The following ZNF804A variants were observed in gnomAD, a reference collection of about 807,000 sequenced individuals.
ZNF804A encodes zinc finger protein 804A.
A neutral mutation model predicts 16.5 loss-of-function variants in ZNF804A; 2 were observed. That is an observed-to-expected ratio of 0.12 (90% confidence interval 0.05 to 0.38). The LOEUF is 0.38. ZNF804A is among the 10% of genes least tolerant of loss of function. The pLI, the probability that ZNF804A is intolerant of heterozygous loss-of-function variation, is 0.99. For missense variants in ZNF804A, 1,473 were observed against 1,390.7 expected (o/e 1.06, Z -0.94); for synonymous variants, 534 against 489.6 (o/e 1.09, Z -1.20).
At chr2:184,783,446 A>T (rs778107311) in intron 1 of ZNF804A, among the ~76,000 whole-genome samples, 1 of 151,936 alleles carries the variant, frequency 6.6e-6, no homozygotes, top group African/African-American at 2.4e-5. Context: ...GATGTACTGA[A>T]TAATCATTAC....
chr2:184,803,951 C>T (rs1694762409), intron 1 of ZNF804A, among the ~76,000 whole-genome samples: 1 of 152,078 alleles, frequency 6.6e-6, no homozygotes, highest in African/African-American at 2.4e-5. Flanking sequence ...CAACCTCCGC[C>T]TCCCGGGTTC....
intron 1 of ZNF804A, among the ~76,000 whole-genome samples, chr2:184,731,564 CTTTTTTTTTTTTTT>C (rs34877709): frequency 1.2e-5 from 1 of 84,682 alleles, no homozygotes; most frequent in Admixed American, 1.4e-4. Context: ...GTCTTTAACG[CTTTTTTTTTTTTTT>C]TTTTTTTTTG....
chr2:184,837,548 G>A (rs1695371032), intron 1 of ZNF804A, among the ~76,000 whole-genome samples: 1 of 151,860 alleles, frequency 6.6e-6, no homozygotes, highest in African/African-American at 2.4e-5. Context: ...GATAGAGTAA[G>A]AGGCATAATT....
intron 2 of ZNF804A, among the ~76,000 whole-genome samples, chr2:184,914,453 A>AC (rs918338945): frequency 2.0e-5 from 3 of 152,168 alleles, no homozygotes; most frequent in Non-Finnish European, 4.4e-5. Context: ...ATGGCTTCCC[A>AC]CCAAATAATA....
chr2:184,644,235 A>G (rs1691838439), intron 1 of ZNF804A, among the ~76,000 whole-genome samples: 1 of 29,640 alleles, frequency 3.4e-5, no homozygotes, highest in South Asian at 7.3e-4. Context: ...GCTATATATC[A>G]TATATATATA....
chr2:184,635,020 C>T (rs1390462990), intron 1 of ZNF804A, among the ~76,000 whole-genome samples: 1 of 152,088 alleles, frequency 6.6e-6, no homozygotes, highest in East Asian at 1.9e-4. Context: ...TCTTTCCTTG[C>T]ATTAAAGAGT....
chr2:184,659,981 T>A (rs1246720214), intron 1 of ZNF804A, among the ~76,000 whole-genome samples: 1 of 152,160 alleles, frequency 6.6e-6, no homozygotes, highest in Non-Finnish European at 1.5e-5. Context: ...TGTGGTTTTG[T>A]GTACCCGTAG....
intron 1 of ZNF804A, among the ~76,000 whole-genome samples, chr2:184,695,185 G>A (rs569057655): frequency 6.6e-6 from 1 of 152,134 alleles, no homozygotes; most frequent in Non-Finnish European, 1.5e-5. Context: ...TTTAAGGCTG[G>A]GAGTGGTGGC....
intron 1 of ZNF804A, among the ~76,000 whole-genome samples, chr2:184,803,350 C>A (rs992247015): frequency 1.4e-4 from 22 of 152,130 alleles, no homozygotes; most frequent in Admixed American, 1.4e-3. Flanking sequence ...ACCCATCATT[C>A]TTTATTATAC....
chr2:184,923,771 T>G (rs930596274), intron 2 of ZNF804A, among the ~76,000 whole-genome samples: 1 of 152,022 alleles, frequency 6.6e-6, no homozygotes, highest in African/African-American at 2.4e-5. Flanking sequence ...AGATGTTCAA[T>G]TTTATCAAAC....
intron 1 of ZNF804A, among the ~76,000 whole-genome samples, chr2:184,815,629 G>A (rs115666190): frequency 0.013 from 1,962 of 151,914 alleles, 56 homozygotes; most frequent in African/African-American, 0.045. Context: ...TATCTATAAA[G>A]CAGTTTTAAT....
rs755225008 is a variant in ZNF804A at position 184,598,940 on chromosome 2, G to A, written c.-20G>A. The stretch of plus-strand genomic sequence containing the variant: ...GTGCGTGGAAGCGGCGGCTGCGGCG[G>A]AGGAGGCGGCGGCTGCCCCATGGAG... On this transcript the variant is annotated 5_prime_UTR_variant, in exon 1 of 4. Transcript: ENST00000302277. 60 of 1,508,578 alleles carry A rather than the reference G, an allele frequency of 4.0e-5. No individual in the cohort carries two copies. The highest frequency in any genetic ancestry group is 3.6e-6 in the Non-Finnish European group (4 of 1,114,208). The allele number at this position is 1,508,578 out of a possible 1,614,324, so 93.4% of individuals were successfully genotyped here.
At chr2:184,915,499 C>G (rs2105834022) in intron 2 of ZNF804A, among the ~76,000 whole-genome samples, 1 of 152,146 alleles carries the variant, frequency 6.6e-6, no homozygotes, top group African/African-American at 2.4e-5. Context: ...GTTTTCTTAG[C>G]AAATTTTGAA....
Position 184,938,439 on chromosome 2 carries a change from C to T in ZNF804A, c.3043C>T (p.His1015Tyr). The T allele has an allele frequency of 6.2e-7, 1 of 1,614,046 alleles. No individual in the cohort carries two copies. The highest frequency in any genetic ancestry group is 8.5e-7 in the Non-Finnish European group (1 of 1,180,024). The change falls in exon 4 of 4, where the codon CAT (histidine) becomes TAT (tyrosine). Residue 1015 changes from histidine to tyrosine, a missense_variant. His to Tyr is a moderately conservative substitution (Grantham distance 83). Coordinates refer to ENST00000302277, the MANE Select transcript of ZNF804A (RefSeq NM_194250.2). ...LPFKEAHVSGHTFVTAEQILA... is the reference protein window; with the variant it reads ...LPFKEAHVSGYTFVTAEQILA... ...ATTCAAAGAAGCACATGTCAGTGGTCATACTTTTGTAACAGCTGAGCAAAT... is the reference window on the plus strand; with the variant it reads ...ATTCAAAGAAGCACATGTCAGTGGTTATACTTTTGTAACAGCTGAGCAAAT...
rs756081892 is a variant in ZNF804A at position 184,936,433 on chromosome 2, T to C, written c.1037T>C (p.Ile346Thr). The change falls in exon 4 of 4, where the codon ATA becomes ACA. Residue 346 changes from isoleucine (I) to threonine (T), a missense_variant. By Grantham distance (89) the Ile-to-Thr change is moderately conservative. Transcript: ENST00000302277. ...GAGAGTGTTGTTATTAATGAAGACA[T>C]ACCTGTTAGTGGTAACAGTTTTGAG... ...PLESVVINED[I>T]PVSGNSFELL... The C allele has an allele frequency of 5.0e-6, 8 of 1,613,936 alleles. No homozygotes were observed. In the South Asian group the frequency reaches 7.7e-5, roughly 16 times the overall value.
intron 1 of ZNF804A, among the ~76,000 whole-genome samples, chr2:184,824,311 G>A (rs549481452): frequency 1.5e-4 from 23 of 151,892 alleles, no homozygotes; most frequent in Non-Finnish European, 3.1e-4. Flanking sequence ...TTCACATCTC[G>A]TGTATGTCAA....
chr2:184,872,006 C>A (rs1384085096), intron 2 of ZNF804A, among the ~76,000 whole-genome samples: 1 of 152,028 alleles, frequency 6.6e-6, no homozygotes, highest in East Asian at 1.9e-4. Context: ...TGAAGACCTA[C>A]TTCTAGTTTC....
At chr2:184,634,900 A>G (rs968074879) in intron 1 of ZNF804A, among the ~76,000 whole-genome samples, 11 of 152,158 alleles carry the variant, frequency 7.2e-5, no homozygotes, top group African/African-American at 2.7e-4. Context: ...TTAATTGTTT[A>G]TATTGGTCAT....
intron 3 of ZNF804A, 49 bp downstream of exon 3, chr2:184,933,782 G>A: frequency 1.3e-6 from 2 of 1,547,596 alleles, no homozygotes; most frequent in African/African-American, 1.4e-5. Flanking sequence ...GACCAAAAAA[G>A]GGGTATAGGG....
Sources: allele counts gnomAD v4.1 joint callset (sites outside exome capture counted in the v4.1 genomes callset), GRCh38; gene constraint gnomAD v4.1.1; transcripts MANE v1.5; gene names NCBI Gene and HGNC (gene_info 2026-07-23, HGNC 2026-07-21).